The following KMT5A variants were observed in gnomAD, a reference collection of about 807,000 sequenced individuals.
KMT5A encodes the protein lysine methyltransferase 5A, also known as N-lysine methyltransferase KMT5A.
In KMT5A, 6 loss-of-function variants were observed where a neutral mutation model predicts 40.6. The ratio of observed to expected loss-of-function variants is 0.15; its 90% CI spans 0.08 to 0.29. KMT5A has a LOEUF of 0.29. Among genes scored for constraint, KMT5A ranks in the 10% least tolerant of loss-of-function variants. The probability of loss-of-function intolerance (pLI) is 1.00; values close to 1 mark genes in which losing one functional copy is unlikely to be tolerated. For synonymous variants in KMT5A, 153 were observed against 178.8 expected, an observed-to-expected ratio of 0.86 and a Z score of 1.15; for missense variants, 308 against 459.1, an observed-to-expected ratio of 0.67 and a Z score of 3.01.
In KMT5A at chr12:123,407,607, C is replaced by T. The variant is rs373419094; in HGVS notation, c.963C>T (p.Ile321=). The change falls in exon 8 of 8, where the codon ATC becomes ATT. Residue 321 remains isoleucine (I), a synonymous_variant. Coordinates refer to ENST00000402868, the MANE Select transcript of KMT5A (RefSeq NM_020382.7). The stretch of plus-strand genomic sequence containing the variant: ...ACGGCGTACCTCACCTCATCCTCAT[C>T]GCCTCCCGAGACATCGCGGCTGGGG... ...DIDGVPHLIL[I]ASRDIAAGEE... is the part of the protein sequence containing the mutation. 1.6e-5 allele frequency: 26 copies of T among 1,613,800 alleles called. No homozygotes were observed. Among genetic ancestry groups the T allele is most frequent in the Middle Eastern group, 1.6e-4 (1 of 6,078 alleles).
intron 2 of KMT5A, 149 bp from the exon 3 acceptor site, chr12:123,390,481 C>T: frequency 1.1e-6 from 1 of 932,494 alleles, no homozygotes; most frequent in Non-Finnish European, 1.6e-6. Flanking sequence ...CCAGTGCTCT[C>T]CTGAGACAAT....
In KMT5A at chr12:123,407,569, C is replaced by T. The variant is rs777885843; in HGVS notation, c.925C>T (p.Leu309=). ...HSKCGNCQTK[L]HDIDGVPHLI... ...CAAATGTGGGAACTGCCAAACCAAACTGCACGACATCGACGGCGTACCTCA... is the reference window on the plus strand; with the variant it reads ...CAAATGTGGGAACTGCCAAACCAAATTGCACGACATCGACGGCGTACCTCA... Residue 309 remains leucine, a synonymous_variant, in exon 8 of 8, where the codon CTG becomes TTG. Transcript: ENST00000402868. 19 of 1,613,950 alleles carry T rather than the reference C, an allele frequency of 1.2e-5. 2 individuals are homozygous for T. In the South Asian group the frequency reaches 2.1e-4, roughly 18 times the overall value.
chr12:123,389,623 C>T (rs986605291), intron 2 of KMT5A, 69 bp downstream of exon 2: 1 of 1,025,094 alleles, frequency 9.8e-7, no homozygotes, highest in Non-Finnish European at 1.2e-6. Flanking sequence ...ACATGGGCGA[C>T]CCCGGGTACC....
At chr12:123,391,620 G>A (rs1877324541) in intron 3 of KMT5A, among the ~76,000 whole-genome samples, 1 of 152,214 alleles carries the variant, frequency 6.6e-6, no homozygotes, top group South Asian at 2.1e-4. Context: ...TAATGAAAAC[G>A]GTCTGGTCTT....
intron 1 of KMT5A, among the ~76,000 whole-genome samples, chr12:123,386,599 T>C (rs1386600962): frequency 1.3e-5 from 2 of 152,214 alleles, no homozygotes; most frequent in East Asian, 3.8e-4. Flanking sequence ...GCTTTGAACT[T>C]GCAATTCACT....
intron 1 of KMT5A, 87 bp from the exon 2 acceptor site, chr12:123,389,346 G>C (rs1461317514): frequency 1.3e-5 from 11 of 876,072 alleles, no homozygotes; most frequent in Non-Finnish European, 1.5e-5. Context: ...AGGCGCCGTC[G>C]CGGCGCCCGG....
chr12:123,389,356 G>C, intron 1 of KMT5A, 77 bp from the exon 2 acceptor site: 1 of 944,520 alleles, frequency 1.1e-6, no homozygotes, highest in Middle Eastern at 5.3e-4. Flanking sequence ...GCGGCGCCCG[G>C]CCCGGGCGGC....
At chr12:123,404,075 C>T (rs770320742) in intron 6 of KMT5A, among the ~76,000 whole-genome samples, 5 of 152,190 alleles carry the variant, frequency 3.3e-5, no homozygotes, top group Non-Finnish European at 7.3e-5. Flanking sequence ...CTCTTCTGGG[C>T]ACTTCATATA....
chr12:123,393,514 G>A (rs1034553962), intron 3 of KMT5A, among the ~76,000 whole-genome samples: 24 of 152,102 alleles, frequency 1.6e-4, no homozygotes, highest in African/African-American at 4.6e-4. Context: ...AGGTTCATCC[G>A]CGGTGTAATA....
chr12:123,405,194 T>A, intron 7 of KMT5A, 120 bp downstream of exon 7: 1 of 957,608 alleles, frequency 1.0e-6, no homozygotes, highest in Non-Finnish European at 1.5e-6. Context: ...GTTGTTGACT[T>A]TTTTTTTTTT....
At chr12:123,406,224 C>T (rs1878540046) in intron 7 of KMT5A, among the ~76,000 whole-genome samples, 1 of 152,222 alleles carries the variant, frequency 6.6e-6, no homozygotes, top group Admixed American at 6.5e-5. Flanking sequence ...TCACCTGGCT[C>T]TCCTTCAGGG....
intron 5 of KMT5A, among the ~76,000 whole-genome samples, chr12:123,401,689 C>G (rs1037996580): frequency 3.9e-5 from 6 of 152,030 alleles, no homozygotes; most frequent in African/African-American, 1.2e-4. Context: ...TCAAGCGATT[C>G]TCCTGCCTCA....
chr12:123,385,285 A>T (rs1876806733), intron 1 of KMT5A, among the ~76,000 whole-genome samples: 1 of 152,172 alleles, frequency 6.6e-6, no homozygotes, highest in South Asian at 2.1e-4. Context: ...TGAAAAAATG[A>T]GGCATAGTAA....
intron 1 of KMT5A, among the ~76,000 whole-genome samples, chr12:123,385,671 G>C (rs564516758): frequency 6.6e-6 from 1 of 152,236 alleles, no homozygotes; most frequent in East Asian, 1.9e-4. Context: ...GACCAACATG[G>C]AGAAATCCCG....
Position 123,384,537 on chromosome 12 carries a change from T to A in KMT5A, c.10+329T>A, listed in dbSNP as rs985305921. 6.6e-6 allele frequency among the ~76,000 whole-genome samples: 1 copy of A among 152,156 alleles called. No homozygotes were observed. The highest frequency in any genetic ancestry group is 2.4e-5 in the African/African-American group (1 of 41,430). On this transcript the variant is annotated intron_variant, in intron 1 of 7. Coordinates refer to ENST00000402868, the MANE Select transcript of KMT5A (RefSeq NM_020382.7). The surrounding 1 kb of genome is among the most constrained non-coding windows in gnomAD (Gnocchi z 5.7). The stretch of plus-strand genomic sequence containing the variant: ...GCGCAGGGCACCTCCAGGGAATAGG[T>A]GTTATTGATAGAAGTGGGGCGGGGG...
chr12:123,403,329 C>A (rs754969101), intron 5 of KMT5A, among the ~76,000 whole-genome samples: 9 of 152,250 alleles, frequency 5.9e-5, no homozygotes, highest in Admixed American at 3.9e-4. Context: ...TGGGTCCCCA[C>A]TGTTTCCCTC....
In KMT5A at chr12:123,407,925, T is replaced by C; in HGVS notation, c.*222T>C. 3.7e-6 allele frequency: 2 copies of C among 545,976 alleles called. No homozygotes were observed. Among genetic ancestry groups the C allele is most frequent in the South Asian group, 2.4e-5 (1 of 41,558 alleles). 33.8% of individuals were successfully genotyped at this position (545,976 alleles called of 1,614,324 possible). On this transcript the variant is annotated 3_prime_UTR_variant, in exon 8 of 8. Transcript: ENST00000402868. ...TGGCCTTATATTACCAAAACTTTTA[T>C]ATTCTAGTTGTTTTTGTACTTTTTT...
chr12:123,404,786 G>C (rs1163883497), intron 6 of KMT5A, 98 bp from the exon 7 acceptor site: 1 of 1,215,460 alleles, frequency 8.2e-7, no homozygotes, highest in East Asian at 2.3e-5. Context: ...CAGTACAGCT[G>C]TTAAAGACTG....
intron 3 of KMT5A, among the ~76,000 whole-genome samples, chr12:123,392,254 C>T (rs531808365): frequency 6.6e-5 from 10 of 152,276 alleles, no homozygotes; most frequent in East Asian, 5.8e-4. Context: ...GGTAGTTGCC[C>T]GGACTCTAGT....
Sources: allele counts gnomAD v4.1 joint callset (sites outside exome capture counted in the v4.1 genomes callset), GRCh38; gene constraint gnomAD v4.1.1; non-coding constraint Gnocchi (gnomAD v3.1); transcripts MANE v1.5; gene names NCBI Gene and HGNC (gene_info 2026-07-23, HGNC 2026-07-21).